Variants in HJURP observed in about 807,000 individuals in gnomAD.
The protein encoded by HJURP is Holliday junction recognition protein.
In HJURP, 49 loss-of-function variants were observed where a neutral mutation model predicts 72.0. That is an observed-to-expected ratio of 0.68 (90% confidence interval 0.54 to 0.86). The LOEUF is 0.86. Ranked by LOEUF, HJURP falls within the 40% of genes least tolerant of loss-of-function variation. The pLI, the probability that HJURP is intolerant of heterozygous loss-of-function variation, is 0.00. For synonymous variants in HJURP, 357 were observed against 347.1 expected (o/e 1.03, Z -0.32); for missense variants, 908 against 936.3 (o/e 0.97, Z 0.39).
chr2:233,847,126 C>A (rs1176509444), intron 5 of HJURP, among the ~76,000 whole-genome samples: 1 of 152,210 alleles, frequency 6.6e-6, no homozygotes, highest in Non-Finnish European at 1.5e-5. Context: ...ACCACACTGA[C>A]AGCTTTATCT....
chr2:233,850,402 C>T (rs1207308541), intron 3 of HJURP, among the ~76,000 whole-genome samples: 1 of 152,202 alleles, frequency 6.6e-6, no homozygotes, highest in Non-Finnish European at 1.5e-5. Context: ...GGCGGCCACA[C>T]TCCTGGTCAG....
At chr2:233,850,339 A>C (rs1705469320) in intron 3 of HJURP, among the ~76,000 whole-genome samples, 1 of 152,210 alleles carries the variant, frequency 6.6e-6, no homozygotes, top group Admixed American at 6.5e-5. Context: ...TAACGCACAG[A>C]GGCAGCTGCT....
In HJURP at chr2:233,841,782, C is replaced by T. The variant is rs140912561; in HGVS notation, c.998G>A (p.Gly333Glu). 8.8e-4 allele frequency: 1,413 copies of T among 1,614,010 alleles called. No individual in the cohort carries two copies. The highest frequency in any genetic ancestry group is 1.1e-3 in the Non-Finnish European group (1,344 of 1,180,010). Residue 333 changes from glycine (G) to glutamate (E), a missense_variant, in exon 8 of 9, where the codon GGG becomes GAG. Gly to Glu is a moderately conservative substitution (Grantham distance 98). Transcript: ENST00000411486. ...NFIPCSEPVK[G>E]TGALRDCKNV... ...CTTGCAATCTCTTAATGCCCCTGTC[C>T]CTTTCACAGGCTCAGAGCAGGGTAT...
At chr2:233,852,156 C>T (rs1705510302) in intron 3 of HJURP, among the ~76,000 whole-genome samples, 1 of 152,220 alleles carries the variant, frequency 6.6e-6, no homozygotes, top group Admixed American at 6.5e-5. Context: ...TCTTCCTCCC[C>T]TTTCAAAACA....
At chr2:233,838,985 G>A (rs1358570186) in intron 8 of HJURP, among the ~76,000 whole-genome samples, 2 of 152,154 alleles carry the variant, frequency 1.3e-5, no homozygotes, top group Admixed American at 6.5e-5. Flanking sequence ...GAGCTCCGAG[G>A]GCCCTGCCCA....
intron 2 of HJURP, 103 bp downstream of exon 2, chr2:233,853,741 G>A: frequency 1.1e-6 from 1 of 922,938 alleles, no homozygotes; most frequent in East Asian, 2.5e-5. Flanking sequence ...GTTCCTATTA[G>A]TTAGGTGAAC....
In HJURP at chr2:233,840,620, G is replaced by A. The variant is rs1357226984; in HGVS notation, c.2160C>T (p.Asn720=). Residue 720 remains asparagine, a synonymous_variant, in exon 8 of 9, where the codon AAC becomes AAT. Transcript: ENST00000411486. ...PGDQGSSSQP[N]SEERGENTSY... Reference sequence around the variant, plus strand: ...AGAAACACACCTACCTCTCTTCTGAGTTGGGCTGTGAAGAGCTGCCCTGGT... The same window carrying A: ...AGAAACACACCTACCTCTCTTCTGAATTGGGCTGTGAAGAGCTGCCCTGGT... 6.3e-7 allele frequency: 1 copy of A among 1,595,192 alleles called. No homozygotes were observed. Among genetic ancestry groups the A allele is most frequent in the Non-Finnish European group, 8.5e-7 (1 of 1,173,862 alleles).
Position 233,837,751 on chromosome 2 carries a change from C to T in HJURP, c.2172-99G>A, listed in dbSNP as rs138100533. 1.8e-4 allele frequency: 134 copies of T among 742,854 alleles called. No homozygotes were observed. In the African/African-American group the frequency reaches 2.2e-3, roughly 12 times the overall value. 46.0% of individuals were successfully genotyped at this position (742,854 alleles called of 1,614,324 possible). On this transcript the variant is annotated intron_variant, in intron 8 of 8. Coordinates refer to ENST00000411486, the MANE Select transcript of HJURP (RefSeq NM_018410.5). ...TAACTGTTTTCTACTTATTCCATTG[C>T]ATGTATAAAAATACTTATAGAAAGT...
chr2:233,848,479 G>A (rs777229032), intron 4 of HJURP, among the ~76,000 whole-genome samples: 21 of 152,324 alleles, frequency 1.4e-4, no homozygotes, highest in South Asian at 8.3e-4. Context: ...GAGGGAGCCC[G>A]GGTGGGGTTG....
chr2:233,854,037 CAGCG>C, intron 1 of HJURP, 127 bp from the exon 2 acceptor site: 1 of 753,080 alleles, frequency 1.3e-6, no homozygotes, highest in Non-Finnish European at 2.2e-6. Context: ...GCGGTCTCTG[CAGCG>C]GAGCCCCCAA....
chr2:233,848,991 G>C (rs1213486063), intron 4 of HJURP, among the ~76,000 whole-genome samples: 1 of 152,256 alleles, frequency 6.6e-6, no homozygotes, highest in Non-Finnish European at 1.5e-5. Context: ...ATGCAATGGA[G>C]AGCGCAAAAC....
intron 8 of HJURP, among the ~76,000 whole-genome samples, chr2:233,838,532 C>G (rs867541223): frequency 6.6e-6 from 1 of 152,022 alleles, no homozygotes; most frequent in Non-Finnish European, 1.5e-5. Flanking sequence ...GGAAAAGGCA[C>G]GAGACAAAAT....
intron 6 of HJURP, among the ~76,000 whole-genome samples, chr2:233,845,075 T>C (rs1463575345): frequency 1.3e-5 from 2 of 152,056 alleles, no homozygotes; most frequent in Non-Finnish European, 2.9e-5. Context: ...GTGGGGACTA[T>C]TGCTTCCCTA....
At chr2:233,849,974 T>C in intron 3 of HJURP, 115 bp from the exon 4 acceptor site, 1 of 664,678 alleles carries the variant, frequency 1.5e-6, no homozygotes, top group South Asian at 1.8e-5. Flanking sequence ...AGCAAGAGCC[T>C]GCCACAAGGC....
chr2:233,845,309 A>G (rs943382775), intron 6 of HJURP, among the ~76,000 whole-genome samples: 1 of 151,978 alleles, frequency 6.6e-6, no homozygotes, highest in Non-Finnish European at 1.5e-5. Context: ...GCACCACCAC[A>G]CCCAGCTAAT....
chr2:233,849,747 C>T lies in HJURP; in HGVS notation c.337+16G>A, dbSNP rs112539245. ...GTCCCTCCTGACTTCAGTTCTCTGA[C>T]GAAGGCAACACTCACCGGCTCCCAG... On this transcript the variant is annotated intron_variant, in intron 4 of 8. Transcript: ENST00000411486. 54,948 of 1,532,790 alleles carry T rather than the reference C, an allele frequency of 0.036. 1,148 individuals carry two copies. Among genetic ancestry groups the T allele is most frequent in the Non-Finnish European group, 0.041 (46,496 of 1,131,392 alleles). The allele number at this position is 1,532,790 out of a possible 1,614,324, so 94.9% of individuals were successfully genotyped here. A position where few individuals can be genotyped will look rare whatever the true frequency, so the allele number is the denominator to read the frequency against.
At position 233,840,644 on chromosome 2, in the gene HJURP, G is replaced by C; in HGVS notation, c.2136C>G (p.Asp712Glu). The change falls in exon 8 of 9, where the codon GAC becomes GAG. Residue 712 changes from aspartate (D) to glutamate (E), a missense_variant. By Grantham distance (45) the Asp-to-Glu change is conservative. This residue lies in a region of HJURP where 598 missense variants were observed against 619.5 expected (regional missense o/e 0.97). Transcript: ENST00000411486. ...AGTTGGGCTGTGAAGAGCTGCCCTG[G>C]TCTCCCGGTCTGACGGTGTTGTCCA... ...DGVDNTVRPG[D>E]QGSSSQPNSE... 2 of 1,608,130 alleles carry C rather than the reference G, an allele frequency of 1.2e-6. No homozygotes were observed. The highest frequency in any genetic ancestry group is 2.7e-5 in the African/African-American group (2 of 74,518).
In HJURP at chr2:233,846,749, C is replaced by T. The variant is rs994524868; in HGVS notation, c.402+648G>A. Among the ~76,000 whole-genome samples the T allele has an allele frequency of 2.6e-5, 4 of 152,122 alleles. No individual in the cohort carries two copies. The highest frequency in any genetic ancestry group is 4.4e-5 in the Non-Finnish European group (3 of 68,036). On this transcript the variant is annotated intron_variant, in intron 5 of 8. Coordinates refer to ENST00000411486, the MANE Select transcript of HJURP (RefSeq NM_018410.5). The surrounding 1 kb of genome is among the most constrained non-coding windows in gnomAD (Gnocchi z 4.3). ...CAAAAGTAGCAATTTTAGAGGAAAA[C>T]CATGCATCAGGTATTCTGGCAGGCA...
At position 233,849,856 on chromosome 2, in the gene HJURP, A is replaced by C. The variant is rs763739044; in HGVS notation, c.244T>G (p.Ser82Ala). The change falls in exon 4 of 9, where the codon TCC (serine) becomes GCC (alanine). Residue 82 changes from serine (S) to alanine (A), a missense_variant. Ser to Ala is a moderately conservative substitution (Grantham distance 99, BLOSUM62 1). Coordinates refer to ENST00000411486, the MANE Select transcript of HJURP (RefSeq NM_018410.5). ...GTCCTGTCCGCGGGCTTCATGGAGGAGTCCTCCAAGTGCAGAAGCCAATAA... is the reference window on the plus strand; with the variant it reads ...GTCCTGTCCGCGGGCTTCATGGAGGCGTCCTCCAAGTGCAGAAGCCAATAA... ...KERNEGEIQD[S>A]SMKPADRTDG... 9 of 1,543,406 alleles carry C rather than the reference A, an allele frequency of 5.8e-6. No individual in the cohort carries two copies. The highest frequency in any genetic ancestry group is 7.9e-6 in the Non-Finnish European group (9 of 1,139,750).
Sources: allele counts gnomAD v4.1 joint callset (sites outside exome capture counted in the v4.1 genomes callset), GRCh38; gene constraint gnomAD v4.1.1; regional missense constraint gnomAD v4.1.1; non-coding constraint Gnocchi (gnomAD v3.1); transcripts MANE v1.5; gene names NCBI Gene and HGNC (gene_info 2026-07-23, HGNC 2026-07-21).